Variants in RIMKLB observed in about 807,000 individuals in gnomAD.
The protein encoded by RIMKLB is ribosomal modification protein rimK like family member B.
RIMKLB carries 7 observed loss-of-function variants against 32.0 expected under a neutral mutation model. That is an observed-to-expected ratio of 0.22 (90% CI 0.12 to 0.41). The LOEUF is 0.41. Ranked by LOEUF, RIMKLB falls within the 10% of genes least tolerant of loss-of-function variation. The pLI is 1.00. For missense variants in RIMKLB, 289 were observed against 498.7 expected (o/e 0.58, Z 4.00); for synonymous variants, 172 against 185.1 (o/e 0.93, Z 0.57).
At chr12:8,743,844 A>T (rs1449645352) in intron 2 of RIMKLB, among the ~76,000 whole-genome samples, 1 of 152,000 alleles carries the variant, frequency 6.6e-6, no homozygotes, top group Non-Finnish European at 1.5e-5. Flanking sequence ...TCCGAAACTT[A>T]TATCTAAAAT....
At position 8,775,622 on chromosome 12, in the gene RIMKLB, A is replaced by G. The variant is rs1950682722; in HGVS notation, c.*1838A>G. 2.6e-5 allele frequency: 26 copies of G among 985,784 alleles called. No individual in the cohort carries two copies. Among genetic ancestry groups the G allele is most frequent in the Non-Finnish European group, 3.1e-5 (26 of 829,860 alleles). 61.1% of individuals were successfully genotyped at this position (985,784 alleles called of 1,614,324 possible). A position where few individuals can be genotyped will look rare whatever the true frequency, so the allele number is the denominator to read the frequency against. On this transcript the variant is annotated 3_prime_UTR_variant, in exon 6 of 6. Transcript: ENST00000535829. ...TAAAAGATCAGTATTAACCAGCTAT[A>G]ACAGAGGTTTGATCATGCTTACTTG...
chr12:8,743,666 C>G (rs1421484296), intron 2 of RIMKLB, among the ~76,000 whole-genome samples: 1 of 151,776 alleles, frequency 6.6e-6, no homozygotes, highest in African/African-American at 2.4e-5. Context: ...AGAGCATAAT[C>G]AGCCCTTAAC....
chr12:8,692,493 C>A (rs1431949996), upstream of RIMKLB, among the ~76,000 whole-genome samples: 1 of 151,852 alleles, frequency 6.6e-6, no homozygotes, highest in Non-Finnish European at 1.5e-5. Context: ...TTTAAACAAG[C>A]ATTCCAGGTA....
At chr12:8,684,541 T>C (rs895031203) in intron 1 of RIMKLB, among the ~76,000 whole-genome samples, 9 of 152,220 alleles carry the variant, frequency 5.9e-5, no homozygotes, top group Non-Finnish European at 1.3e-4. Flanking sequence ...CTGTGATCCA[T>C]TTTGAGTAAA....
At chr12:8,758,295 A>AT (rs139416247) in intron 5 of RIMKLB, among the ~76,000 whole-genome samples, 4,919 of 144,718 alleles carry the variant, frequency 0.034, 278 homozygotes, top group African/African-American at 0.12. Flanking sequence ...AAAATACCTT[A>AT]TTTTTTATCG....
chr12:8,735,371 AGGC>A (rs1946904770), intron 2 of RIMKLB, among the ~76,000 whole-genome samples: 1 of 152,182 alleles, frequency 6.6e-6, no homozygotes. Flanking sequence ...CTGGAACTAC[AGGC>A]GCACACCACC....
intron 2 of RIMKLB, among the ~76,000 whole-genome samples, chr12:8,735,316 A>C (rs757055003): frequency 2.2e-4 from 34 of 151,870 alleles, no homozygotes; most frequent in African/African-American, 8.2e-4. Flanking sequence ...TGCATCCTCT[A>C]CCTCCTGGGT....
intron 1 of RIMKLB, among the ~76,000 whole-genome samples, chr12:8,681,982 T>C (rs1017531639): frequency 4.6e-5 from 7 of 152,040 alleles, no homozygotes; most frequent in African/African-American, 1.7e-4. Flanking sequence ...AGCTCTAAAC[T>C]TGTGGGATCT....
chr12:8,707,427 G>A (rs1238902757), intron 1 of RIMKLB, among the ~76,000 whole-genome samples: 1 of 152,204 alleles, frequency 6.6e-6, no homozygotes, highest in Non-Finnish European at 1.5e-5. Flanking sequence ...ATGGAAAAGG[G>A]GCACGGAGCT....
intron 1 of RIMKLB, among the ~76,000 whole-genome samples, chr12:8,683,898 C>T (rs1942489284): frequency 6.6e-6 from 1 of 152,072 alleles, no homozygotes; most frequent in Non-Finnish European, 1.5e-5. Flanking sequence ...AAGGCGCCTG[C>T]CACCACACCC....
chr12:8,782,055 C>G (rs1248075285), downstream of RIMKLB, among the ~76,000 whole-genome samples: 5 of 150,048 alleles, frequency 3.3e-5, no homozygotes, highest in African/African-American at 1.2e-4. Context: ...CACTCTTTCT[C>G]TACTGTACTT....
chr12:8,761,498 G>A (rs1026082296), intron 5 of RIMKLB, among the ~76,000 whole-genome samples: 2 of 152,064 alleles, frequency 1.3e-5, no homozygotes, highest in African/African-American at 2.4e-5. Flanking sequence ...CTGCTCAAAT[G>A]CCTGGGGTTT....
At chr12:8,695,918 C>A (rs1942875205), upstream of RIMKLB, among the ~76,000 whole-genome samples, 1 of 152,152 alleles carries the variant, frequency 6.6e-6, no homozygotes, top group South Asian at 2.1e-4. Context: ...GTCCAAAACT[C>A]CCGACCTCAG....
chr12:8,709,206 T>C (rs1437010414), intron 1 of RIMKLB, among the ~76,000 whole-genome samples: 1 of 152,216 alleles, frequency 6.6e-6, no homozygotes, highest in African/African-American at 2.4e-5. Flanking sequence ...TCTACTGTCT[T>C]TTAAAATAGT....
At chr12:8,755,899 A>T (rs1948981719) in intron 5 of RIMKLB, among the ~76,000 whole-genome samples, 1 of 152,122 alleles carries the variant, frequency 6.6e-6, no homozygotes, top group South Asian at 2.1e-4. Context: ...CAAACCTGTA[A>T]TTCCAGCACT....
At chr12:8,676,382 CTTTTTTTTTTTTTTTTTTT>C in the RIMKLB span, among the ~76,000 whole-genome samples, 6 of 37,338 alleles carry the variant, frequency 1.6e-4, 1 homozygote, top group East Asian at 2.7e-3. Flanking sequence ...CCCCCAACAG[CTTTTTTTTTTTTTTTTTTT>C]TTTTTTTTTT....
the RIMKLB span, among the ~76,000 whole-genome samples, chr12:8,670,519 A>T: frequency 6.6e-6 from 1 of 152,266 alleles, no homozygotes; most frequent in African/African-American, 2.4e-5. Context: ...TCCAGGCCAC[A>T]GTGATACAAG....
At chr12:8,760,516 C>T (rs1485829409) in intron 5 of RIMKLB, among the ~76,000 whole-genome samples, 2 of 152,188 alleles carry the variant, frequency 1.3e-5, no homozygotes, top group African/African-American at 4.8e-5. Flanking sequence ...GAGGAATTGC[C>T]ACACTGTCTT....
At chr12:8,779,632 A>G (rs1047892780), downstream of RIMKLB, 3 of 152,206 alleles carry the variant, frequency 2.0e-5, no homozygotes, top group African/African-American at 4.8e-5. Context: ...GCAAAACTAC[A>G]TATTTTTATC....
Sources: allele counts gnomAD v4.1 joint callset (sites outside exome capture counted in the v4.1 genomes callset), GRCh38; gene constraint gnomAD v4.1.1; transcripts MANE v1.5; gene names NCBI Gene and HGNC (gene_info 2026-07-23, HGNC 2026-07-21).